The following PNLIP variants were observed in gnomAD, a reference collection of about 807,000 sequenced individuals.
PNLIP encodes pancreatic lipase.
PNLIP carries 49 observed loss-of-function variants against 57.1 expected under a neutral mutation model. That is an observed-to-expected ratio of 0.86 (90% CI 0.68 to 1.09). The LOEUF (loss-of-function observed/expected upper bound fraction) is 1.09, where lower values mean the gene tolerates loss of function less well. PNLIP is among the 50% of genes least tolerant of loss of function. PNLIP has a pLI of 0.00. For synonymous variants in PNLIP, 209 were observed against 200.4 expected (o/e 1.04, Z -0.36); for missense variants, 503 against 570.2 (o/e 0.88, Z 1.20).
chr10:116,566,696 A>T (rs1187077764), intron 12 of PNLIP, among the ~76,000 whole-genome samples: 1 of 152,196 alleles, frequency 6.6e-6, no homozygotes, highest in Non-Finnish European at 1.5e-5. Context: ...GTTTGACTCT[A>T]CAAAATTCTT....
At position 116,547,286 on chromosome 10, in the gene PNLIP, G is replaced by T; in HGVS notation, c.47-8G>T. The T allele has an allele frequency of 6.2e-7, 1 of 1,613,528 alleles. No individual in the cohort carries two copies. Among genetic ancestry groups the T allele is most frequent in the Non-Finnish European group, 8.5e-7 (1 of 1,179,476 alleles). Reference sequence around the variant, plus strand: ...TTGTAAAACTAATATCCTTCTGGGGGATTGCAGGAAAAGAAGTTTGCTACG... The same window carrying T: ...TTGTAAAACTAATATCCTTCTGGGGTATTGCAGGAAAAGAAGTTTGCTACG... On this transcript the variant is annotated splice_polypyrimidine_tract_variant and splice_region_variant and intron_variant, in intron 2 of 12. Coordinates refer to ENST00000369221, the MANE Select transcript of PNLIP (RefSeq NM_000936.4).
At chr10:116,565,492 G>T (rs374528703) in intron 12 of PNLIP, among the ~76,000 whole-genome samples, 309 of 124,558 alleles carry the variant, frequency 2.5e-3, no homozygotes, top group African/African-American at 8.8e-3. Flanking sequence ...ATGGAGTCTT[G>T]CTCTGTCACC....
Position 116,561,583 on chromosome 10 carries a change from T to C in PNLIP, c.1281T>C (p.Thr427=). Reference sequence around the variant, plus strand: ...GGTATAACAATGTGATCAACCCAACTTTACCTAGAGTGGGAGCATCCAAGA... The same window carrying C: ...GGTATAACAATGTGATCAACCCAACCTTACCTAGAGTGGGAGCATCCAAGA... ...FIWYNNVINP[T]LPRVGASKII... Residue 427 remains threonine (T), a synonymous_variant, in exon 12 of 13, where the codon ACT becomes ACC. Coordinates refer to ENST00000369221, the MANE Select transcript of PNLIP (RefSeq NM_000936.4). 6.2e-7 allele frequency: 1 copy of C among 1,613,678 alleles called. No homozygotes were observed. The highest frequency in any genetic ancestry group is 1.1e-5 in the South Asian group (1 of 90,962).
chr10:116,552,405 G>A (rs920874688), intron 5 of PNLIP, among the ~76,000 whole-genome samples: 23 of 152,094 alleles, frequency 1.5e-4, no homozygotes, highest in African/African-American at 5.6e-4. Flanking sequence ...TGATGATCCT[G>A]ACCCTGTGTA....
chr10:116,557,395 C>T (rs1305829299), intron 9 of PNLIP, among the ~76,000 whole-genome samples: 6 of 152,114 alleles, frequency 3.9e-5, no homozygotes, highest in African/African-American at 1.4e-4. Context: ...AGTGCTGGGG[C>T]CAGGTGATCT....
At chr10:116,567,512 T>C (rs1847382587) in intron 12 of PNLIP, among the ~76,000 whole-genome samples, 1 of 152,210 alleles carries the variant, frequency 6.6e-6, no homozygotes, top group East Asian at 1.9e-4. Context: ...GGGCGTCTAC[T>C]GACAGCTTCT....
In PNLIP at chr10:116,567,748, A is replaced by G. The variant is rs1688890076; in HGVS notation, c.1348A>G (p.Ser450Gly). The change falls in exon 13 of 13, where the codon AGT (serine) becomes GGT (glycine). Residue 450 changes from serine to glycine, a missense_variant. Physicochemically the swap from Ser to Gly is moderately conservative, Grantham distance 56. Transcript: ENST00000369221. Reference sequence around the variant, plus strand: ...TTTTCTCCACAGGTTCAACTTCTGTAGTCCAGAAACCGTCAGGGAGGAAGT... The same window carrying G: ...TTTTCTCCACAGGTTCAACTTCTGTGGTCCAGAAACCGTCAGGGAGGAAGT... ...TNVGKQFNFC[S>G]PETVREEVLL... The G allele has an allele frequency of 6.2e-7, 1 of 1,613,946 alleles. No homozygotes were observed. Among genetic ancestry groups the G allele is most frequent in the African/African-American group, 1.3e-5 (1 of 75,068 alleles).
intron 6 of PNLIP, among the ~76,000 whole-genome samples, chr10:116,554,707 C>T (rs1211859538): frequency 1.3e-5 from 2 of 151,606 alleles, no homozygotes; most frequent in African/African-American, 4.9e-5. Context: ...TCTGGACTGC[C>T]TATCCGTTCA....
intron 2 of PNLIP, among the ~76,000 whole-genome samples, chr10:116,546,488 T>C (rs937743694): frequency 1.3e-5 from 2 of 152,222 alleles, no homozygotes; most frequent in African/African-American, 2.4e-5. Context: ...GTTTGAACCT[T>C]GGCTCCACCA....
intron 12 of PNLIP, among the ~76,000 whole-genome samples, chr10:116,562,501 C>A (rs1680770428): frequency 6.6e-6 from 1 of 152,052 alleles, no homozygotes; most frequent in Admixed American, 6.6e-5. Context: ...GAGGAGAAAC[C>A]CAGGCAGAGT....
intron 4 of PNLIP, among the ~76,000 whole-genome samples, chr10:116,549,815 C>T (rs940604441): frequency 5.3e-5 from 8 of 152,100 alleles, no homozygotes; most frequent in African/African-American, 1.9e-4. Flanking sequence ...ATCCCAAAGG[C>T]AATTGTGGTT....
chr10:116,556,739 T>C (rs1847258259), intron 9 of PNLIP, among the ~76,000 whole-genome samples: 3 of 152,116 alleles, frequency 2.0e-5, no homozygotes, highest in Admixed American at 2.0e-4. Flanking sequence ...GGTTTTTTTT[T>C]TTATAAAATT....
chr10:116,559,918 T>G (rs2133206324), intron 10 of PNLIP, among the ~76,000 whole-genome samples: 1 of 152,332 alleles, frequency 6.6e-6, no homozygotes, highest in East Asian at 1.9e-4. Context: ...CTTTTGGTTT[T>G]CATAAATTAA....
At chr10:116,565,118 T>C (rs1354445254) in intron 12 of PNLIP, among the ~76,000 whole-genome samples, 1 of 151,254 alleles carries the variant, frequency 6.6e-6, no homozygotes, top group Non-Finnish European at 1.5e-5. Context: ...GGCGTGGTGG[T>C]GGGCTCCTGT....
Position 116,547,280 on chromosome 10 carries a change from C to A in PNLIP, c.47-14C>A. 6.2e-7 allele frequency: 1 copy of A among 1,613,122 alleles called. No individual in the cohort carries two copies. Among genetic ancestry groups the A allele is most frequent in the Non-Finnish European group, 8.5e-7 (1 of 1,179,152 alleles). On this transcript the variant is annotated splice_polypyrimidine_tract_variant and intron_variant, in intron 2 of 12. Transcript: ENST00000369221. ...GCATGTTTGTAAAACTAATATCCTT[C>A]TGGGGGATTGCAGGAAAAGAAGTTT...
intron 12 of PNLIP, 49 bp downstream of exon 12, chr10:116,561,685 T>C (rs993056155): frequency 3.9e-6 from 6 of 1,522,048 alleles, no homozygotes; most frequent in South Asian, 1.2e-5. Context: ...TCTGTGTTTA[T>C]AGTTCTATTC....
intron 2 of PNLIP, among the ~76,000 whole-genome samples, 194 bp from the exon 3 acceptor site, chr10:116,547,100 G>A (rs1847133878): frequency 6.6e-6 from 1 of 152,182 alleles, no homozygotes; most frequent in South Asian, 2.1e-4. Context: ...GTAGAATTGA[G>A]GAACAAGAAC....
chr10:116,554,437 G>A (rs990322020), intron 6 of PNLIP, among the ~76,000 whole-genome samples: 3 of 152,196 alleles, frequency 2.0e-5, no homozygotes, highest in Non-Finnish European at 4.4e-5. Flanking sequence ...CCAGTTCTGT[G>A]TGCTGCTAAT....
rs200134833 is a variant in PNLIP, at chr10:116,559,231, T to C, written c.1008T>C (p.Asn336=). Residue 336 remains asparagine, a synonymous_variant, in exon 10 of 13, where the codon AAT becomes AAC. Transcript: ENST00000369221. ...HYADRYPGKT[N]DVGQKFYLDT... ...CTGATAGATATCCTGGGAAAACAAATGATGTGGGCCAGAAATTTTATCTAG... is the reference window on the plus strand; with the variant it reads ...CTGATAGATATCCTGGGAAAACAAACGATGTGGGCCAGAAATTTTATCTAG... 1.4e-4 allele frequency: 227 copies of C among 1,613,942 alleles called. 1 individual carries two copies. Among genetic ancestry groups the C allele is most frequent in the Non-Finnish European group, 2.9e-5 (34 of 1,179,962 alleles).
Sources: allele counts gnomAD v4.1 joint callset (sites outside exome capture counted in the v4.1 genomes callset), GRCh38; gene constraint gnomAD v4.1.1; transcripts MANE v1.5; gene names NCBI Gene and HGNC (gene_info 2026-07-23, HGNC 2026-07-21).